The following OPN5 variants were observed in gnomAD, a reference collection of about 807,000 sequenced individuals.
The protein encoded by OPN5 is opsin 5.
A neutral mutation model predicts 41.7 loss-of-function variants in OPN5; 18 were observed. The ratio of observed to expected loss-of-function variants is 0.43; its 90% CI spans 0.30 to 0.64. OPN5 has a LOEUF of 0.64. Among genes scored for constraint, OPN5 ranks in the 30% least tolerant of loss-of-function variants. OPN5 has a pLI of 0.13. For missense variants in OPN5, 318 were observed against 434.5 expected (o/e 0.73, Z 2.38); for synonymous variants, 178 against 164.3 (o/e 1.08, Z -0.64).
chr6:47,824,008 G>A (rs1242243621), exon 7 of OPN5: 1 of 1,548,306 alleles, frequency 6.5e-7, no homozygotes, highest in African/African-American at 1.4e-5. Context: ...TTCTGGTTGT[G>A]AAGAGTGCAT....
At chr6:47,810,133 G>A (rs571288946) in intron 5 of OPN5, among the ~76,000 whole-genome samples, 3 of 152,322 alleles carry the variant, frequency 2.0e-5, no homozygotes, top group South Asian at 2.1e-4. Context: ...CCTATTAGCC[G>A]TTTATACGAA....
intron 1 of OPN5, among the ~76,000 whole-genome samples, chr6:47,786,051 A>C (rs1016070370): frequency 2.0e-5 from 3 of 152,212 alleles, no homozygotes; most frequent in Non-Finnish European, 4.4e-5. Context: ...TCTCCTGAAC[A>C]CTGGTGCTCC....
chr6:47,799,229 CACATGATAT>C lies in OPN5; in HGVS notation c.756+3689_756+3697del, dbSNP rs1304027948. Reference sequence around the variant, plus strand: ...ATATATATATATATACACACACACACACATGATATACATGATATACATGATATACATATA... The same window carrying C: ...ATATATATATATATACACACACACACACATGATATACATGATATACATATA... On this transcript the variant is annotated intron_variant, in intron 4 of 6. Coordinates refer to ENST00000371211, the Ensembl canonical transcript of OPN5. 2.4e-3 allele frequency among the ~76,000 whole-genome samples: 361 copies of C among 151,000 alleles called. 1 individual carries two copies. The highest frequency in any genetic ancestry group is 3.3e-3 in the African/African-American group (137 of 41,118).
intron 6 of OPN5, among the ~76,000 whole-genome samples, chr6:47,813,526 C>T (rs1464107964): frequency 1.3e-5 from 2 of 152,082 alleles, no homozygotes; most frequent in Non-Finnish European, 2.9e-5. Context: ...AATCAGACTC[C>T]AAAGGCTTTG....
intron 3 of OPN5, 170 bp from the exon 4 acceptor site, chr6:47,795,059 C>T (rs1773498011): frequency 5.3e-6 from 3 of 566,060 alleles, no homozygotes; most frequent in Non-Finnish European, 6.2e-6. Flanking sequence ...AAGGCCCAAG[C>T]TCTGGAACTT....
chr6:47,816,165 C>T (rs1762422640), intron 6 of OPN5, among the ~76,000 whole-genome samples: 1 of 152,108 alleles, frequency 6.6e-6, no homozygotes. Flanking sequence ...TAAGCACCTG[C>T]CATATACACT....
chr6:47,787,835 T>C (rs1412129940), intron 2 of OPN5, among the ~76,000 whole-genome samples: 1 of 152,186 alleles, frequency 6.6e-6, no homozygotes, highest in African/African-American at 2.4e-5. Flanking sequence ...AGTTCAAGGT[T>C]GCAGTGAGCT....
chr6:47,825,587 C>T (rs572101151), downstream of OPN5: 13 of 152,280 alleles, frequency 8.5e-5, no homozygotes, highest in Admixed American at 4.6e-4. Context: ...TGTTGTACCA[C>T]GTCCATTGAA....
rs116174828 is a variant in OPN5, at chr6:47,786,470, C to T, written c.131-45C>T. 7.5e-4 allele frequency: 1,185 copies of T among 1,570,764 alleles called. 9 individuals carry two copies. The African/African-American group carries it at 0.014, about 19-fold the overall frequency. Reference sequence around the variant, plus strand: ...GAAGTGTTTCATATCTGAGTGAACTCGAAATCTTAGTTTTAACGATTGGAA... The same window carrying T: ...GAAGTGTTTCATATCTGAGTGAACTTGAAATCTTAGTTTTAACGATTGGAA... On this transcript the variant is annotated intron_variant, in intron 1 of 6. Coordinates refer to ENST00000371211, the Ensembl canonical transcript of OPN5.
At chr6:47,826,312 C>T (rs1435698353), downstream of OPN5, 1 of 152,126 alleles carries the variant, frequency 6.6e-6, no homozygotes, top group Non-Finnish European at 1.5e-5. Flanking sequence ...AACAAGATTT[C>T]CCAAAGCATG....
rs201754361 is a variant in OPN5 at position 47,817,609 on chromosome 6, T to TA, written c.1056+5879dup. 7.9e-5 allele frequency among the ~76,000 whole-genome samples: 12 copies of TA among 152,264 alleles called. No homozygotes were observed. The East Asian group carries it at 2.3e-3, about 29-fold the overall frequency. Reference sequence around the variant, plus strand: ...AACTTGAGCCCCATGCCTGACCTACTACTGAATCAGAATCTGTAATTTAAC... The same window carrying TA: ...AACTTGAGCCCCATGCCTGACCTACTAACTGAATCAGAATCTGTAATTTAAC... On this transcript the variant is annotated intron_variant, in intron 6 of 6. Transcript: ENST00000371211.
At chr6:47,797,945 T>A (rs566746238) in intron 4 of OPN5, among the ~76,000 whole-genome samples, 1 of 152,306 alleles carries the variant, frequency 6.6e-6, no homozygotes, top group East Asian at 1.9e-4. Flanking sequence ...CTTCTGGAAC[T>A]CATTATACAT....
intron 3 of OPN5, chr6:47,793,877 G>A: frequency 1.8e-6 from 1 of 570,960 alleles, no homozygotes; most frequent in Non-Finnish European, 2.2e-6. Flanking sequence ...TGTTTTATCA[G>A]TTTTAGTGGA....
intron 6 of OPN5, among the ~76,000 whole-genome samples, chr6:47,816,939 A>T (rs1018867374): frequency 6.6e-6 from 1 of 152,076 alleles, no homozygotes; most frequent in East Asian, 1.9e-4. Context: ...GTTCTTGAGG[A>T]GGTAGGAGGA....
In OPN5 at chr6:47,819,354, A is replaced by ATATATATATATATATATATATAAAT. The variant is rs1389298718; in HGVS notation, c.1057-4629_1057-4628insTATATATATATATATATATATAAAT. Among the ~76,000 whole-genome samples the ATATATATATATATATATATATAAAT allele has an allele frequency of 3.2e-4, 19 of 59,052 alleles. 2 individuals carry two copies. The highest frequency in any genetic ancestry group is 8.9e-4 in the African/African-American group (18 of 20,222). The allele number at this position is 59,052 out of a possible 152,430, so 38.7% of individuals were successfully genotyped here. On this transcript the variant is annotated intron_variant, in intron 6 of 6. Transcript: ENST00000371211. ...AATTAGGAATATATATATATATATA[A>ATATATATATATATATATATATAAAT]AAAATATATTACCGTATAAGTAGAA...
chr6:47,782,330 T>C (rs1773111210), intron 1 of OPN5, 134 bp downstream of exon 1: 1 of 717,428 alleles, frequency 1.4e-6, no homozygotes, highest in Non-Finnish European at 2.3e-6. Context: ...AGGCAGAAGA[T>C]GGAATGGCAT....
intron 4 of OPN5, among the ~76,000 whole-genome samples, chr6:47,803,076 G>C (rs1396904696): frequency 6.6e-6 from 1 of 152,102 alleles, no homozygotes; most frequent in African/African-American, 2.4e-5. Context: ...ATGGAGGAAG[G>C]TTTAGGATAG....
intron 2 of OPN5, among the ~76,000 whole-genome samples, chr6:47,787,895 T>TA (rs928931767): frequency 1.2e-4 from 18 of 151,208 alleles, no homozygotes; most frequent in African/African-American, 3.4e-4. Context: ...AGACCTTAAT[T>TA]AAAAAAAAAG....
chr6:47,805,195 A>G (rs926050069), intron 4 of OPN5, among the ~76,000 whole-genome samples: 2 of 152,228 alleles, frequency 1.3e-5, no homozygotes, highest in Non-Finnish European at 2.9e-5. Context: ...TAACCAAATA[A>G]AAATTTCTCC....
Sources: gnomAD v4.1 joint callset for allele counts (sites outside exome capture counted in the v4.1 genomes callset) on GRCh38, gnomAD v4.1.1 for gene constraint, MANE v1.5 for transcripts, NCBI Gene and HGNC (gene_info 2026-07-23, HGNC 2026-07-21) for gene names.